PBX3: variants seen among roughly 807,000 people sequenced by gnomAD.
PBX3 encodes the protein PBX homeobox 3.
A neutral mutation model predicts 48.5 loss-of-function variants in PBX3; 14 were observed. The observed-to-expected ratio is 0.29, with a 90% CI of 0.19 to 0.45. The LOEUF (loss-of-function observed/expected upper bound fraction) is 0.45. Ranked by LOEUF, PBX3 falls within the 20% of genes least tolerant of loss-of-function variation. PBX3 has a pLI of 1.00. For missense variants in PBX3, 386 were observed against 546.7 expected (o/e 0.71, Z 2.93); for synonymous variants, 210 against 200.3 (o/e 1.05, Z -0.41).
intron 5 of PBX3, among the ~76,000 whole-genome samples, chr9:125,944,002 C>CCTGAG (rs1842017242): frequency 6.6e-6 from 1 of 152,220 alleles, no homozygotes; most frequent in Admixed American, 6.5e-5. Context: ...TGGCCAGAAG[C>CCTGAG]CTGAGGGCAC....
At chr9:125,947,721 AAGTAAT>A (rs1460016369) in intron 5 of PBX3, among the ~76,000 whole-genome samples, 1 of 152,012 alleles carries the variant, frequency 6.6e-6, no homozygotes, top group Non-Finnish European at 1.5e-5. Flanking sequence ...TTAATACTCT[AAGTAAT>A]AGAGTCAGGA....
At chr9:125,776,617 A>C (rs10986900) in intron 2 of PBX3, among the ~76,000 whole-genome samples, 3,064 of 151,890 alleles carry the variant, frequency 0.02, 172 homozygotes, top group East Asian at 0.17. Flanking sequence ...CTCACTGCAA[A>C]CTCTGCCCCC....
At chr9:125,867,294 G>C (rs922389509) in intron 2 of PBX3, among the ~76,000 whole-genome samples, 16 of 151,910 alleles carry the variant, frequency 1.1e-4, no homozygotes, top group African/African-American at 3.9e-4. Flanking sequence ...TTAGATGTTT[G>C]AATTTTTAAA....
At chr9:125,779,184 T>C (rs941270990) in intron 2 of PBX3, among the ~76,000 whole-genome samples, 1 of 148,588 alleles carries the variant, frequency 6.7e-6, no homozygotes, top group Non-Finnish European at 1.5e-5. Flanking sequence ...TCTGGCTTAT[T>C]CTACTCAGCA....
intron 1 of PBX3, 99 bp downstream of exon 1, chr9:125,747,752 C>T (rs1340983331): frequency 5.6e-6 from 5 of 888,484 alleles, no homozygotes; most frequent in Non-Finnish European, 7.9e-6. Flanking sequence ...GGGCCGCAGC[C>T]CCCGGCGGGG....
chr9:125,963,113 G>A lies in PBX3; in HGVS notation c.1212+12G>A. ...CACATAATTTAAATGTGAGTACTCTGGGGAGTCAGCTGTAGGAGAACAGTG... is the reference window on the plus strand; with the variant it reads ...CACATAATTTAAATGTGAGTACTCTAGGGAGTCAGCTGTAGGAGAACAGTG... On this transcript the variant is annotated intron_variant, in intron 8 of 8. Coordinates refer to ENST00000373489, the MANE Select transcript of PBX3 (RefSeq NM_006195.6). The A allele has an allele frequency of 6.8e-7, 1 of 1,480,246 alleles. No individual in the cohort carries two copies. The highest frequency in any genetic ancestry group is 9.4e-7 in the Non-Finnish European group (1 of 1,065,392). The allele number at this position is 1,480,246 out of a possible 1,614,324, so 91.7% of individuals were successfully genotyped here.
At chr9:125,891,988 C>A (rs1397741749) in intron 2 of PBX3, among the ~76,000 whole-genome samples, 1 of 152,158 alleles carries the variant, frequency 6.6e-6, no homozygotes, top group Non-Finnish European at 1.5e-5. Flanking sequence ...GGCGTGATCT[C>A]GGCTCACTGC....
At chr9:125,818,206 A>C (rs1838525813) in intron 2 of PBX3, among the ~76,000 whole-genome samples, 1 of 148,518 alleles carries the variant, frequency 6.7e-6, no homozygotes, top group Non-Finnish European at 1.5e-5. Flanking sequence ...TCTCAAAAAA[A>C]CCAAAAAAAA....
chr9:125,785,154 C>T (rs1437440938), intron 2 of PBX3, among the ~76,000 whole-genome samples: 7 of 152,156 alleles, frequency 4.6e-5, no homozygotes, highest in South Asian at 2.1e-4. Context: ...AACAGACAAG[C>T]GCCTTGTGTC....
At position 125,963,109 on chromosome 9, in the gene PBX3, C is replaced by T. The variant is rs1161072507; in HGVS notation, c.1212+8C>T. ...AGTCCACATAATTTAAATGTGAGTA[C>T]TCTGGGGAGTCAGCTGTAGGAGAAC... is the stretch of plus-strand genomic sequence containing the variant. On this transcript the variant is annotated splice_region_variant and intron_variant, in intron 8 of 8. Transcript: ENST00000373489. 2 of 1,500,364 alleles carry T rather than the reference C, an allele frequency of 1.3e-6. No individual in the cohort carries two copies. The highest frequency in any genetic ancestry group is 1.8e-6 in the Non-Finnish European group (2 of 1,082,904). 92.9% of individuals were successfully genotyped at this position (1,500,364 alleles called of 1,614,324 possible).
intron 4 of PBX3, among the ~76,000 whole-genome samples, chr9:125,930,887 T>C (rs930695652): frequency 1.3e-5 from 2 of 152,244 alleles, no homozygotes; most frequent in African/African-American, 4.8e-5. Flanking sequence ...CAATGCTCGA[T>C]ACATGCATAC....
chr9:125,766,280 A>G (rs1424441080), intron 2 of PBX3, among the ~76,000 whole-genome samples: 1 of 152,138 alleles, frequency 6.6e-6, no homozygotes, highest in Non-Finnish European at 1.5e-5. Flanking sequence ...ATATACATAC[A>G]GTATAAGAAA....
intron 3 of PBX3, among the ~76,000 whole-genome samples, chr9:125,926,923 T>C (rs548512040): frequency 4.2e-4 from 64 of 152,352 alleles, no homozygotes; most frequent in African/African-American, 1.5e-3. Context: ...CTGGTTTTAG[T>C]CTACAACATT....
intron 2 of PBX3, among the ~76,000 whole-genome samples, chr9:125,755,453 G>T (rs931041276): frequency 1.3e-5 from 2 of 152,072 alleles, no homozygotes; most frequent in Non-Finnish European, 2.9e-5. Context: ...GAACAGTTTT[G>T]CAATGCAAAG....
intron 2 of PBX3, among the ~76,000 whole-genome samples, chr9:125,801,790 TACACACACACACACACACAC>T (rs367989628): frequency 2.7e-5 from 4 of 146,212 alleles, no homozygotes; most frequent in African/African-American, 7.7e-5. Context: ...TGTATACACA[TACACACACACACACACACAC>T]ACACACACAC....
chr9:125,911,539 C>G lies in PBX3; in HGVS notation c.275-4147C>G, dbSNP rs528539801. On this transcript the variant is annotated intron_variant, in intron 2 of 8. Coordinates refer to ENST00000373489, the MANE Select transcript of PBX3 (RefSeq NM_006195.6). ...CAGAAAACATTAATATTAAAATTGT[C>G]GCTTATTTCAAAGCAGTCAAGAATT... Among the ~76,000 whole-genome samples the G allele has an allele frequency of 7.9e-5, 12 of 152,132 alleles. No individual in the cohort carries two copies. In the East Asian group the frequency reaches 2.1e-3, roughly 27 times the overall value.
intron 2 of PBX3, among the ~76,000 whole-genome samples, chr9:125,904,780 A>G (rs1490510462): frequency 6.6e-6 from 1 of 151,898 alleles, no homozygotes; most frequent in Non-Finnish European, 1.5e-5. Flanking sequence ...GAGAGTCAGT[A>G]CAGCTTTAAT....
At chr9:125,802,072 A>G (rs1289724907) in intron 2 of PBX3, among the ~76,000 whole-genome samples, 2 of 152,106 alleles carry the variant, frequency 1.3e-5, no homozygotes, top group African/African-American at 2.4e-5. Context: ...CAACAACAAC[A>G]ATAACAGCAA....
chr9:125,908,146 G>A (rs1841118935), intron 2 of PBX3, among the ~76,000 whole-genome samples: 1 of 152,260 alleles, frequency 6.6e-6, no homozygotes, highest in South Asian at 2.1e-4. Context: ...CACAAAGACA[G>A]AAAACATTTG....
Sources: allele counts gnomAD v4.1 joint callset (sites outside exome capture counted in the v4.1 genomes callset), GRCh38; gene constraint gnomAD v4.1.1; transcripts MANE v1.5; gene names NCBI Gene and HGNC (gene_info 2026-07-23, HGNC 2026-07-21).